PLOD1: variants seen among roughly 807,000 people sequenced by gnomAD.
PLOD1 encodes the protein lysine hydroxylase.
PLOD1 carries 70 observed loss-of-function variants against 94.7 expected under a neutral mutation model. That is an observed-to-expected ratio of 0.74 (90% CI 0.61 to 0.90). PLOD1 has a LOEUF of 0.90. Among genes scored for constraint, PLOD1 ranks in the 40% least tolerant of loss-of-function variants. The probability of loss-of-function intolerance (pLI) is 0.00; values close to 1 mark genes in which losing one functional copy is unlikely to be tolerated. For synonymous variants in PLOD1, 417 were observed against 400.2 expected (o/e 1.04, Z -0.50); for missense variants, 905 against 972.7 (o/e 0.93, Z 0.93).
Position 11,973,977 on chromosome 1 carries a change from G to A in PLOD1, c.2029-676G>A, listed in dbSNP as rs546204446. 1.3e-4 allele frequency among the ~76,000 whole-genome samples: 20 copies of A among 152,260 alleles called. No individual in the cohort carries two copies. The South Asian group carries it at 3.7e-3, about 28-fold the overall frequency. On this transcript the variant is annotated intron_variant, in intron 18 of 18. Coordinates refer to ENST00000196061, the MANE Select transcript of PLOD1 (RefSeq NM_000302.4). ...GTAGAAGTCAGAGATGCCCGGGACAGCCTTCCACAGCAAAGTGTCTATAGT... is the reference window on the plus strand; with the variant it reads ...GTAGAAGTCAGAGATGCCCGGGACAACCTTCCACAGCAAAGTGTCTATAGT...
intron 1 of PLOD1, 59 bp from the exon 2 acceptor site, chr1:11,947,917 C>A: frequency 9.0e-7 from 1 of 1,106,520 alleles, no homozygotes; most frequent in Non-Finnish European, 1.4e-6. Context: ...ACAAAGACCT[C>A]CTCCCTGTCA....
At chr1:11,940,524 C>T (rs972953829) in intron 1 of PLOD1, among the ~76,000 whole-genome samples, 2 of 152,232 alleles carry the variant, frequency 1.3e-5, no homozygotes, top group Admixed American at 6.5e-5. Flanking sequence ...GTACTATCAT[C>T]TGTATTATTC....
chr1:11,969,728 C>T (rs1364985291), intron 16 of PLOD1, among the ~76,000 whole-genome samples: 2 of 152,190 alleles, frequency 1.3e-5, no homozygotes, highest in African/African-American at 2.4e-5. Context: ...TCCAAACTCA[C>T]TTGGTTGTTG....
chr1:11,947,367 C>T (rs967949240), intron 1 of PLOD1, among the ~76,000 whole-genome samples: 3 of 151,658 alleles, frequency 2.0e-5, no homozygotes, highest in Non-Finnish European at 2.9e-5. Context: ...GTCAGCTGTT[C>T]AAGACCAGCC....
intron 10 of PLOD1, among the ~76,000 whole-genome samples, chr1:11,961,265 G>T (rs1645776173): frequency 6.6e-6 from 1 of 152,010 alleles, no homozygotes; most frequent in Admixed American, 6.6e-5. Context: ...TGAACCTGGG[G>T]TCCCAGCTAC....
At chr1:11,936,547 G>C (rs1053939412) in intron 1 of PLOD1, among the ~76,000 whole-genome samples, 1 of 151,936 alleles carries the variant, frequency 6.6e-6, no homozygotes, top group Admixed American at 6.6e-5. Context: ...TTTTGAGACA[G>C]TGTTTCACTG....
chr1:11,950,237 G>C (rs967584541), intron 3 of PLOD1, 120 bp from the exon 4 acceptor site: 24 of 979,494 alleles, frequency 2.5e-5, no homozygotes, highest in Non-Finnish European at 3.6e-5. Context: ...TGGTGGCCCA[G>C]GCTGGCGTGG....
At position 11,934,851 on chromosome 1, in the gene PLOD1, G is replaced by T; in HGVS notation, c.72G>T (p.Pro24=). Residue 24 remains proline (P), a synonymous_variant, in exon 1 of 19, where the codon CCG becomes CCT. Coordinates refer to ENST00000196061, the MANE Select transcript of PLOD1 (RefSeq NM_000302.4). ...CCGAAGCGAAGGGCGACGCCAAGCCGGAGGGTGAGGGAGCGAAGGCCGGGG... is the reference window on the plus strand; with the variant it reads ...CCGAAGCGAAGGGCGACGCCAAGCCTGAGGGTGAGGGAGCGAAGGCCGGGG... ...LLAEAKGDAK[P]EDNLLVLTVA... 6.5e-7 allele frequency: 1 copy of T among 1,537,550 alleles called. No homozygotes were observed. The highest frequency in any genetic ancestry group is 8.7e-7 in the Non-Finnish European group (1 of 1,144,984).
At chr1:11,950,149 G>A (rs1356304735) in intron 3 of PLOD1, among the ~76,000 whole-genome samples, 2 of 152,140 alleles carry the variant, frequency 1.3e-5, no homozygotes, top group African/African-American at 4.8e-5. Context: ...ACATGTTGTG[G>A]GGACCATCTC....
At chr1:11,953,419 C>T (rs1645717241) in intron 5 of PLOD1, among the ~76,000 whole-genome samples, 1 of 152,042 alleles carries the variant, frequency 6.6e-6, no homozygotes, top group African/African-American at 2.4e-5. Flanking sequence ...GCCAGGCTGC[C>T]TGGGTTCCAA....
In PLOD1 at chr1:11,958,477, G is replaced by A. The variant is rs765489148; in HGVS notation, c.844-39G>A. On this transcript the variant is annotated intron_variant, in intron 8 of 18. Transcript: ENST00000196061. This position sits in a 1 kb window ranked among gnomAD's most constrained non-coding sequence, Gnocchi z 4.3. The stretch of plus-strand genomic sequence containing the variant: ...GGGGTGGAGTGGCAGTGCTGTGACT[G>A]GACACTGCTGGACTCTTGTGCCGCC... The A allele has an allele frequency of 1.2e-6, 2 of 1,610,342 alleles. No homozygotes were observed. The highest frequency in any genetic ancestry group is 2.2e-5 in the South Asian group (2 of 90,680).
At chr1:11,962,776 C>T (rs903593477) in intron 10 of PLOD1, among the ~76,000 whole-genome samples, 1 of 151,576 alleles carries the variant, frequency 6.6e-6, no homozygotes, top group African/African-American at 2.4e-5. Flanking sequence ...TGCAGTGGCT[C>T]GCATCTGTAA....
At chr1:11,948,668 T>C (rs1482205611) in intron 2 of PLOD1, among the ~76,000 whole-genome samples, 1 of 151,868 alleles carries the variant, frequency 6.6e-6, no homozygotes, top group Non-Finnish European at 1.5e-5. Context: ...AGGCGGAGGT[T>C]GCAGTGAGCC....
chr1:11,965,476 C>G lies in PLOD1; in HGVS notation c.1471-4C>G. On this transcript the variant is annotated splice_polypyrimidine_tract_variant and splice_region_variant and intron_variant, in intron 13 of 18. Coordinates refer to ENST00000196061, the MANE Select transcript of PLOD1 (RefSeq NM_000302.4). Reference sequence around the variant, plus strand: ...GCCTCTTCCACCGGGCCTGTCCTCCCCAGGATGTGTTCATGTTCCTGACCA... The same window carrying G: ...GCCTCTTCCACCGGGCCTGTCCTCCGCAGGATGTGTTCATGTTCCTGACCA... The G allele has an allele frequency of 6.3e-7, 1 of 1,594,026 alleles. No individual in the cohort carries two copies. The highest frequency in any genetic ancestry group is 8.6e-7 in the Non-Finnish European group (1 of 1,162,382).
chr1:11,972,624 T>A lies in PLOD1; in HGVS notation c.1903-248T>A. On this transcript the variant is annotated intron_variant, in intron 17 of 18. Transcript: ENST00000196061. The surrounding 1 kb of genome is among the most constrained non-coding windows in gnomAD (Gnocchi z 4.6). ...TTTCCTCCCTTCCTCCCTCCCTCCC[T>A]TCCTTTCTTCCTTCCCCTCTGTTCT... The A allele has an allele frequency of 2.2e-5, 8 of 368,046 alleles. No individual in the cohort carries two copies. Among genetic ancestry groups the A allele is most frequent in the Non-Finnish European group, 2.6e-5 (5 of 190,148 alleles). 22.8% of individuals were successfully genotyped at this position (368,046 alleles called of 1,614,324 possible). A position where few individuals can be genotyped will look rare whatever the true frequency, so the allele number is the denominator to read the frequency against.
rs748111731 is a variant in PLOD1 at position 11,956,983 on chromosome 1, C to T, written c.710C>T (p.Pro237Leu). The change falls in exon 7 of 19, where the codon CCG becomes CTG. Residue 237 changes from proline (P) to leucine (L), a missense_variant. Coordinates refer to ENST00000196061, the MANE Select transcript of PLOD1 (RefSeq NM_000302.4). ...AGGAACCTGGCCTATGACACCCTCC[C>T]GGTCCTGATCCATGGCAACGGGCCA... Reference protein sequence around the residue: ...RARNLAYDTLPVLIHGNGPTK... With the variant: ...RARNLAYDTLLVLIHGNGPTK... 5.6e-6 allele frequency: 9 copies of T among 1,613,532 alleles called. No homozygotes were observed. Among genetic ancestry groups the T allele is most frequent in the East Asian group, 2.2e-5 (1 of 44,872 alleles).
At chr1:11,956,790 G>T in intron 6 of PLOD1, 127 bp from the exon 7 acceptor site, 1 of 752,418 alleles carries the variant, frequency 1.3e-6, no homozygotes. Context: ...CTGAGGCTTA[G>T]AGAGAAGTGA....
chr1:11,954,422 G>A, intron 5 of PLOD1: 1 of 435,784 alleles, frequency 2.3e-6, no homozygotes, highest in South Asian at 1.7e-5. Flanking sequence ...GGAGGCGGAG[G>A]TTGCAGTGAG....
chr1:11,957,964 G>C lies in PLOD1; in HGVS notation c.843+21G>C. ...TTGGGGTGAGGCTGCGCCCAGGCCTGTGCCTGAGGGACACGGGGGGCTCAG... is the reference window on the plus strand; with the variant it reads ...TTGGGGTGAGGCTGCGCCCAGGCCTCTGCCTGAGGGACACGGGGGGCTCAG... On this transcript the variant is annotated intron_variant, in intron 8 of 18. Transcript: ENST00000196061. The surrounding 1 kb of genome is among the most constrained non-coding windows in gnomAD (Gnocchi z 4.1). 6.8e-7 allele frequency: 1 copy of C among 1,479,052 alleles called. No individual in the cohort carries two copies. The highest frequency in any genetic ancestry group is 1.4e-5 in the African/African-American group (1 of 72,372). 91.6% of individuals were successfully genotyped at this position (1,479,052 alleles called of 1,614,324 possible).
Sources: gnomAD v4.1 joint callset for allele counts (sites outside exome capture counted in the v4.1 genomes callset) on GRCh38, gnomAD v4.1.1 for gene constraint, Gnocchi (gnomAD v3.1) non-coding constraint, MANE v1.5 for transcripts, NCBI Gene and HGNC (gene_info 2026-07-23, HGNC 2026-07-21) for gene names.